The following GRXCR1 variants were observed in gnomAD, a reference collection of about 807,000 sequenced individuals.
GRXCR1 encodes the protein glutaredoxin and cysteine rich domain containing 1.
In GRXCR1, 27 loss-of-function variants were observed where a neutral mutation model predicts 27.3. The ratio of observed to expected loss-of-function variants is 0.99; its 90% CI spans 0.73 to 1.37. The LOEUF (loss-of-function observed/expected upper bound fraction) is 1.37. Ranked by LOEUF, GRXCR1 falls within the 40% of genes most tolerant of loss-of-function variation. GRXCR1 has a pLI of 0.00. For missense variants in GRXCR1, 379 were observed against 354.4 expected, an observed-to-expected ratio of 1.07 and a Z score of -0.56; for synonymous variants, 122 against 131.1, an observed-to-expected ratio of 0.93 and a Z score of 0.47.
At chr4:43,024,738 C>T (rs1168071108) in intron 3 of GRXCR1, among the ~76,000 whole-genome samples, 1 of 152,070 alleles carries the variant, frequency 6.6e-6, no homozygotes, top group Non-Finnish European at 1.5e-5. Flanking sequence ...CTTGGTCAGG[C>T]AGAGGGGTGT....
chr4:42,910,915 G>C (rs1255476762), intron 1 of GRXCR1, among the ~76,000 whole-genome samples: 1 of 152,054 alleles, frequency 6.6e-6, no homozygotes, highest in Non-Finnish European at 1.5e-5. Context: ...ACTAACTCCA[G>C]ATGTGACTCT....
chr4:43,000,234 C>T (rs1173998099), intron 2 of GRXCR1, among the ~76,000 whole-genome samples: 1 of 152,036 alleles, frequency 6.6e-6, no homozygotes, highest in Non-Finnish European at 1.5e-5. Flanking sequence ...AATCCCAGCA[C>T]TTTGGGAGGC....
intron 1 of GRXCR1, among the ~76,000 whole-genome samples, chr4:42,938,645 A>G (rs1384152777): frequency 6.6e-6 from 1 of 151,922 alleles, no homozygotes; most frequent in Admixed American, 6.6e-5. Context: ...GAGGTCTTAT[A>G]TTTGTCTTTA....
intron 1 of GRXCR1, among the ~76,000 whole-genome samples, chr4:42,937,593 C>T (rs950762623): frequency 3.3e-5 from 5 of 151,832 alleles, no homozygotes; most frequent in Non-Finnish European, 5.9e-5. Context: ...AAGCTAAACA[C>T]GAGTTCATAC....
intron 2 of GRXCR1, among the ~76,000 whole-genome samples, chr4:42,964,476 T>C (rs1156387316): frequency 6.6e-6 from 1 of 152,052 alleles, no homozygotes; most frequent in Non-Finnish European, 1.5e-5. Flanking sequence ...TCCCATAGGC[T>C]GATTGTGAGA....
chr4:43,027,166 A>G (rs946346203), intron 3 of GRXCR1, among the ~76,000 whole-genome samples: 1 of 152,210 alleles, frequency 6.6e-6, no homozygotes, highest in Non-Finnish European at 1.5e-5. Flanking sequence ...GCTAATAATA[A>G]CTAACTGTAT....
At chr4:42,926,124 C>T (rs1390192231) in intron 1 of GRXCR1, among the ~76,000 whole-genome samples, 1 of 151,978 alleles carries the variant, frequency 6.6e-6, no homozygotes, top group Non-Finnish European at 1.5e-5. Context: ...AGTGAGTGCA[C>T]AATGATTCTG....
intron 2 of GRXCR1, among the ~76,000 whole-genome samples, chr4:42,979,177 G>A (rs1004477093): frequency 4.0e-5 from 6 of 151,710 alleles, no homozygotes; most frequent in African/African-American, 4.8e-5. Flanking sequence ...TTATTTATTC[G>A]TTTCTCTTAC....
intron 2 of GRXCR1, among the ~76,000 whole-genome samples, chr4:42,983,254 A>G (rs1711544838): frequency 6.7e-6 from 1 of 148,450 alleles, no homozygotes; most frequent in Admixed American, 6.7e-5. Flanking sequence ...GAAGGGATCC[A>G]GTTTCAGCTT....
intron 2 of GRXCR1, among the ~76,000 whole-genome samples, chr4:43,002,351 C>T (rs1378195836): frequency 1.3e-5 from 2 of 152,222 alleles, no homozygotes; most frequent in Middle Eastern, 3.2e-3. Flanking sequence ...TGCATTGTGC[C>T]CCTGGTTTAT....
chr4:42,939,340 G>A (rs1747547094), intron 1 of GRXCR1, among the ~76,000 whole-genome samples: 1 of 150,174 alleles, frequency 6.7e-6, no homozygotes, highest in Non-Finnish European at 1.5e-5. Flanking sequence ...TATGAATTTT[G>A]TACGTTGATT....
intron 1 of GRXCR1, among the ~76,000 whole-genome samples, chr4:42,942,384 C>G (rs1577914774): frequency 6.6e-6 from 1 of 152,014 alleles, no homozygotes; most frequent in South Asian, 2.1e-4. Flanking sequence ...GTTACCTGAA[C>G]CTGACTCACT....
intron 3 of GRXCR1, among the ~76,000 whole-genome samples, chr4:43,024,208 T>TTTTTTTA (rs1713183061): frequency 1.3e-5 from 2 of 149,902 alleles, no homozygotes; most frequent in South Asian, 4.2e-4. Context: ...TTTTTTTTTT[T>TTTTTTTA]TTTTTGGTAA....
At chr4:42,936,618 A>T (rs1389327121) in intron 1 of GRXCR1, among the ~76,000 whole-genome samples, 4 of 151,846 alleles carry the variant, frequency 2.6e-5, no homozygotes, top group African/African-American at 9.7e-5. Context: ...CTTTATTCAG[A>T]TTTCCTTAGG....
chr4:42,974,755 G>A (rs55716745), intron 2 of GRXCR1, among the ~76,000 whole-genome samples: 30,328 of 152,040 alleles, frequency 0.2, 3,747 homozygotes, highest in Middle Eastern at 0.29. Flanking sequence ...AAGCACTCAT[G>A]AATGCCTGGT....
intron 2 of GRXCR1, among the ~76,000 whole-genome samples, chr4:42,980,476 A>G (rs1748633376): frequency 1.3e-5 from 2 of 151,668 alleles, no homozygotes; most frequent in Non-Finnish European, 2.9e-5. Flanking sequence ...TTGGTTTCTA[A>G]TTTTATATCA....
chr4:42,894,711 G>A (rs1746310598), intron 1 of GRXCR1, among the ~76,000 whole-genome samples: 1 of 152,000 alleles, frequency 6.6e-6, no homozygotes, highest in South Asian at 2.1e-4. Flanking sequence ...TTTAATATAT[G>A]GCAATTACCG....
At chr4:42,929,554 C>T (rs758521518) in intron 1 of GRXCR1, among the ~76,000 whole-genome samples, 1 of 151,848 alleles carries the variant, frequency 6.6e-6, no homozygotes, top group Non-Finnish European at 1.5e-5. Context: ...CTTAGAAACT[C>T]CTGTATTTAT....
At chr4:42,937,808 T>C (rs1747495017) in intron 1 of GRXCR1, among the ~76,000 whole-genome samples, 1 of 152,016 alleles carries the variant, frequency 6.6e-6, no homozygotes, top group African/African-American at 2.4e-5. Flanking sequence ...ACATAGTAGG[T>C]ATGTATATAT....
Sources: gnomAD v4.1 joint callset for allele counts (sites outside exome capture counted in the v4.1 genomes callset) on GRCh38, gnomAD v4.1.1 for gene constraint, MANE v1.5 for transcripts, NCBI Gene and HGNC (gene_info 2026-07-23, HGNC 2026-07-21) for gene names.